Variants in EPB41L4B observed in about 807,000 individuals in gnomAD.
EPB41L4B encodes the protein erythrocyte membrane protein band 4.1 like 4B, also known as band 4.1-like protein 4B.
EPB41L4B carries 30 observed loss-of-function variants against 112.5 expected under a neutral mutation model. The observed-to-expected ratio is 0.27, with a 90% CI of 0.20 to 0.36. The LOEUF is 0.36. Ranked by LOEUF, EPB41L4B falls within the 10% of genes least tolerant of loss-of-function variation. The pLI, the probability that EPB41L4B is intolerant of heterozygous loss-of-function variation, is 1.00. For synonymous variants in EPB41L4B, 408 were observed against 439.7 expected (o/e 0.93, Z 0.90); for missense variants, 1,024 against 1,133.3 (o/e 0.90, Z 1.38).
chr9:109,266,384 A>T (rs1396541257), intron 4 of EPB41L4B, among the ~76,000 whole-genome samples: 1 of 151,998 alleles, frequency 6.6e-6, no homozygotes, highest in Non-Finnish European at 1.5e-5. Context: ...TCCAAAAAAA[A>T]AGCCCAGGGG....
In EPB41L4B at chr9:109,221,896, A is replaced by G. The variant is rs376897751; in HGVS notation, c.1410-4751T>C. On this transcript the variant is annotated intron_variant, in intron 15 of 25. Coordinates refer to ENST00000374566, the MANE Select transcript of EPB41L4B (RefSeq NM_019114.5). ...GATATCATCTGTCATGCCAACTCCAATTGATTTGCACTCTCTGCTTGGAGT... is the reference window on the plus strand; with the variant it reads ...GATATCATCTGTCATGCCAACTCCAGTTGATTTGCACTCTCTGCTTGGAGT... Among the ~76,000 whole-genome samples, 13 of 152,312 alleles carry G rather than the reference A, an allele frequency of 8.5e-5. No individual in the cohort carries two copies. The South Asian group carries it at 1.9e-3, about 22-fold the overall frequency.
chr9:109,234,852 T>C (rs1377097009), intron 15 of EPB41L4B, among the ~76,000 whole-genome samples: 1 of 152,176 alleles, frequency 6.6e-6, no homozygotes, highest in Non-Finnish European at 1.5e-5. Flanking sequence ...AGACAGACCG[T>C]GTCTCAAAAA....
chr9:109,212,252 G>A (rs1042612390), intron 17 of EPB41L4B, among the ~76,000 whole-genome samples: 1 of 152,126 alleles, frequency 6.6e-6, no homozygotes, highest in East Asian at 1.9e-4. Context: ...GTCTGGATAA[G>A]CCCCCATTAA....
intron 13 of EPB41L4B, among the ~76,000 whole-genome samples, chr9:109,251,143 G>A (rs1213276876): frequency 1.3e-5 from 2 of 152,210 alleles, no homozygotes; most frequent in Non-Finnish European, 2.9e-5. Flanking sequence ...TTTTGCTCGC[G>A]AGCAAGGCCT....
chr9:109,320,312 G>A lies in EPB41L4B; in HGVS notation c.135C>T (p.Ala45=), dbSNP rs1175544683. 2.0e-6 allele frequency: 2 copies of A among 1,006,958 alleles called. No homozygotes were observed. The highest frequency in any genetic ancestry group is 1.8e-5 in the African/African-American group (1 of 57,006). The allele number at this position is 1,006,958 out of a possible 1,614,324, so 62.4% of individuals were successfully genotyped here. A position where few individuals can be genotyped will look rare whatever the true frequency, so the allele number is the denominator to read the frequency against. The change falls in exon 1 of 26, where the codon GCC becomes GCT. Residue 45 remains alanine, a synonymous_variant. Transcript: ENST00000374566. ...GGPRGGPAAA[A]SSSALPAAPG... Reference sequence around the variant, plus strand: ...GCGCGGCGGGCAGCGCCGAGGAGGAGGCGGCGGCGGCCGGGCCCCCCCGTG... The same window carrying A: ...GCGCGGCGGGCAGCGCCGAGGAGGAAGCGGCGGCGGCCGGGCCCCCCCGTG...
chr9:109,209,804 C>G (rs1017604068), intron 17 of EPB41L4B, among the ~76,000 whole-genome samples: 1 of 152,170 alleles, frequency 6.6e-6, no homozygotes, highest in African/African-American at 2.4e-5. Flanking sequence ...TAACTACTAT[C>G]ATTATCCCCA....
At chr9:109,183,236 C>G (rs1564249120) in intron 23 of EPB41L4B, among the ~76,000 whole-genome samples, 1 of 152,126 alleles carries the variant, frequency 6.6e-6, no homozygotes, top group African/African-American at 2.4e-5. Context: ...TCCTGGGACA[C>G]GGTCTCTTAC....
intron 2 of EPB41L4B, 126 bp from the exon 3 acceptor site, chr9:109,268,559 T>C (rs1158060247): frequency 1.2e-6 from 1 of 817,080 alleles, no homozygotes; most frequent in Non-Finnish European, 1.9e-6. Context: ...GATCATATCA[T>C]GGGTTCTTAG....
chr9:109,213,621 C>A (rs745670088), intron 17 of EPB41L4B, 79 bp downstream of exon 17: 384 of 1,191,274 alleles, frequency 3.2e-4, no homozygotes, highest in Non-Finnish European at 4.6e-4. Context: ...CTTGGTTTAG[C>A]AGGCAGGCTA....
intron 1 of EPB41L4B, among the ~76,000 whole-genome samples, chr9:109,282,983 A>G (rs1180370692): frequency 1.3e-5 from 2 of 152,036 alleles, no homozygotes; most frequent in Non-Finnish European, 2.9e-5. Context: ...CGCCCGGCCA[A>G]ATGATTCCAT....
chr9:109,194,463 C>T (rs758322949), intron 20 of EPB41L4B, 66 bp from the exon 21 acceptor site: 136 of 1,528,134 alleles, frequency 8.9e-5, no homozygotes, highest in Non-Finnish European at 1.1e-4. Context: ...GAGGAGTGGA[C>T]GGAGGATGGG....
intron 4 of EPB41L4B, among the ~76,000 whole-genome samples, chr9:109,265,513 G>A (rs1216335824): frequency 7.4e-6 from 1 of 134,808 alleles, no homozygotes. Flanking sequence ...CAGTGTAACT[G>A]CAGACTCTTT....
intron 15 of EPB41L4B, chr9:109,241,133 T>C: frequency 2.0e-6 from 2 of 985,880 alleles, no homozygotes; most frequent in Non-Finnish European, 2.4e-6. Context: ...CTAAACAAAA[T>C]GAAATGTTAA....
chr9:109,190,749 G>A (rs1038919899), intron 22 of EPB41L4B, among the ~76,000 whole-genome samples: 1 of 152,224 alleles, frequency 6.6e-6, no homozygotes, highest in Non-Finnish European at 1.5e-5. Flanking sequence ...CTTGGGACAA[G>A]TGTCTGCCCC....
In EPB41L4B at chr9:109,213,400, G is replaced by A. The variant is rs535284536; in HGVS notation, c.1752+300C>T. 5.9e-5 allele frequency among the ~76,000 whole-genome samples: 9 copies of A among 152,246 alleles called. No homozygotes were observed. The East Asian group carries it at 1.7e-3, about 29-fold the overall frequency. On this transcript the variant is annotated intron_variant, in intron 17 of 25. Coordinates refer to ENST00000374566, the MANE Select transcript of EPB41L4B (RefSeq NM_019114.5). ...AGATAGAGGGCTAGAAATGCAAAGCGGTAAATGTGGATGCTCCCTCTGGAG... is the reference window on the plus strand; with the variant it reads ...AGATAGAGGGCTAGAAATGCAAAGCAGTAAATGTGGATGCTCCCTCTGGAG...
chr9:109,266,768 G>T (rs1421911362), intron 4 of EPB41L4B, among the ~76,000 whole-genome samples: 3 of 152,050 alleles, frequency 2.0e-5, no homozygotes, highest in Non-Finnish European at 4.4e-5. Flanking sequence ...AGGAGTCTGA[G>T]ACCAGCCTGG....
intron 1 of EPB41L4B, among the ~76,000 whole-genome samples, chr9:109,317,134 G>C (rs1028529813): frequency 6.6e-5 from 10 of 152,206 alleles, no homozygotes; most frequent in African/African-American, 2.4e-4. Flanking sequence ...AGAACACTCA[G>C]GGATGCTAGG....
intron 1 of EPB41L4B, among the ~76,000 whole-genome samples, chr9:109,316,476 C>T (rs1357405211): frequency 2.0e-5 from 3 of 152,216 alleles, no homozygotes; most frequent in East Asian, 1.9e-4. Flanking sequence ...CTAATGGGAT[C>T]TTCAGCTGCA....
chr9:109,239,808 T>A, intron 15 of EPB41L4B: 1 of 984,934 alleles, frequency 1.0e-6, no homozygotes, highest in Non-Finnish European at 1.2e-6. Context: ...AGGGTTTGGA[T>A]GCCTTCCTGC....
Sources: allele counts gnomAD v4.1 joint callset (sites outside exome capture counted in the v4.1 genomes callset), GRCh38; gene constraint gnomAD v4.1.1; transcripts MANE v1.5; gene names NCBI Gene and HGNC (gene_info 2026-07-23, HGNC 2026-07-21).